MAD2L2: variants seen among roughly 807,000 people sequenced by gnomAD.
MAD2L2 encodes mitotic spindle assembly checkpoint protein MAD2B.
Under a neutral mutation model 30.5 loss-of-function variants are expected in MAD2L2, and 17 were observed. That is an observed-to-expected ratio of 0.56 (90% CI 0.38 to 0.84). MAD2L2 has a LOEUF of 0.84. Among genes scored for constraint, MAD2L2 ranks in the 40% least tolerant of loss-of-function variants. MAD2L2 has a pLI of 0.00. For synonymous variants in MAD2L2, 101 were observed against 113.9 expected (o/e 0.89, Z 0.72); for missense variants, 213 against 277.4 (o/e 0.77, Z 1.65).
At position 11,675,640 on chromosome 1, in the gene MAD2L2, A is replaced by C. The variant is rs1339360564; in HGVS notation, c.501+18T>G. The C allele has an allele frequency of 6.2e-7, 1 of 1,613,166 alleles. No individual in the cohort carries two copies. Among genetic ancestry groups the C allele is most frequent in the East Asian group, 2.2e-5 (1 of 44,876 alleles). On this transcript the variant is annotated intron_variant, in intron 7 of 8. Coordinates refer to ENST00000376692, the MANE Select transcript of MAD2L2 (RefSeq NM_006341.4). ...GTTTCTAGAGCCTGCGCCCAGACCC[A>C]GACCCATCTCATCTCACCTTGATGA... is the stretch of plus-strand genomic sequence containing the variant.
upstream of MAD2L2, among the ~76,000 whole-genome samples, chr1:11,684,924 CTCTCT>C (rs1282042543): frequency 8.9e-5 from 8 of 89,452 alleles, no homozygotes; most frequent in Admixed American, 4.7e-4. Context: ...CTCTCTCTCT[CTCTCT>C]TTTTTTTTTT....
intron 3 of MAD2L2, among the ~76,000 whole-genome samples, 173 bp from the exon 4 acceptor site, chr1:11,677,787 T>C (rs1640796454): frequency 6.6e-6 from 1 of 152,224 alleles, no homozygotes; most frequent in East Asian, 1.9e-4. Flanking sequence ...TGGCCGGGCA[T>C]GGTGGCTCAC....
rs1641042054 is a variant in MAD2L2, at chr1:11,690,593, A to G, written c.-692+820T>C. On this transcript the variant is annotated intron_variant, in intron 1 of 10. Coordinates refer to the MAD2L2 transcript ENST00000235310. The surrounding 1 kb of genome is among the most constrained non-coding windows in gnomAD (Gnocchi z 4.2). The stretch of plus-strand genomic sequence containing the variant: ...AACTGTGTTCTAAAACCTCAAAGTC[A>G]TAATTTGCCACACGCTGGAGAAAGA... Among the ~76,000 whole-genome samples, 2 of 152,226 alleles carry G rather than the reference A, an allele frequency of 1.3e-5. No individual in the cohort carries two copies. The highest frequency in any genetic ancestry group is 1.5e-5 in the Non-Finnish European group (1 of 68,038).
intron 4 of MAD2L2, 144 bp downstream of exon 4, chr1:11,677,399 G>A: frequency 2.5e-6 from 2 of 807,082 alleles, no homozygotes; most frequent in Non-Finnish European, 4.1e-6. Flanking sequence ...GGTCTCCAGA[G>A]TGCAGGGAAC....
At chr1:11,676,771 G>A in intron 5 of MAD2L2, 77 bp downstream of exon 5, 1 of 1,149,862 alleles carries the variant, frequency 8.7e-7, no homozygotes, top group Non-Finnish European at 1.3e-6. Context: ...GTATTCAAGG[G>A]CCGCCTTAAA....
At chr1:11,675,831 C>T (rs1019718343) in intron 6 of MAD2L2, 100 bp from the exon 7 acceptor site, 1 of 1,064,442 alleles carries the variant, frequency 9.4e-7, no homozygotes, top group Non-Finnish European at 1.5e-6. Context: ...GCAGCACCCC[C>T]AGAGCAGATG....
chr1:11,675,293 G>A (rs1447680394), intron 7 of MAD2L2, 119 bp from the exon 8 acceptor site: 1 of 684,144 alleles, frequency 1.5e-6, no homozygotes, highest in South Asian at 1.9e-5. Flanking sequence ...TCACTAGGAA[G>A]CTGTTGGTGA....
In MAD2L2 at chr1:11,674,903, T is replaced by A; in HGVS notation, c.595-87A>T. 6 of 1,502,974 alleles carry A rather than the reference T, an allele frequency of 4.0e-6. No homozygotes were observed. The South Asian group carries it at 4.5e-5, about 11-fold the overall frequency. The allele number at this position is 1,502,974 out of a possible 1,614,324, so 93.1% of individuals were successfully genotyped here. A position where few individuals can be genotyped will look rare whatever the true frequency, so the allele number is the denominator to read the frequency against. Reference sequence around the variant, plus strand: ...CACAGAAGCCCCTGGTGGGCAGACCTCCACCACAGGTGGGGCCTCGTGGCC... The same window carrying A: ...CACAGAAGCCCCTGGTGGGCAGACCACCACCACAGGTGGGGCCTCGTGGCC... On this transcript the variant is annotated intron_variant, in intron 8 of 8. Coordinates refer to ENST00000376692, the MANE Select transcript of MAD2L2 (RefSeq NM_006341.4). The surrounding 1 kb of genome is among the most constrained non-coding windows in gnomAD (Gnocchi z 6.1).
rs571775168 is a variant in MAD2L2, at chr1:11,680,937, G to A, written c.-13+102C>T. The A allele has an allele frequency of 1.6e-3, 522 of 336,166 alleles. 1 individual carries two copies. The highest frequency in any genetic ancestry group is 0.011 in the African/African-American group (492 of 46,554). The allele number at this position is 336,166 out of a possible 1,614,324, so 20.8% of individuals were successfully genotyped here. A position where few individuals can be genotyped will look rare whatever the true frequency, so the allele number is the denominator to read the frequency against. On this transcript the variant is annotated intron_variant, in intron 1 of 8. Transcript: ENST00000376692. Reference sequence around the variant, plus strand: ...ATGCCCAGGGCCGGGAGCGCAAAGCGGGACATGCGGAAAGCGAAGCGGGGT... The same window carrying A: ...ATGCCCAGGGCCGGGAGCGCAAAGCAGGACATGCGGAAAGCGAAGCGGGGT...
upstream of MAD2L2, among the ~76,000 whole-genome samples, chr1:11,682,302 G>A (rs1481080936): frequency 6.6e-6 from 1 of 152,172 alleles, no homozygotes; most frequent in Non-Finnish European, 1.5e-5. Context: ...GGAGTTAGTG[G>A]GCAACAAGTC....
chr1:11,682,400 G>A (rs904107718), upstream of MAD2L2, among the ~76,000 whole-genome samples: 1 of 152,276 alleles, frequency 6.6e-6, no homozygotes, highest in Admixed American at 6.5e-5. Context: ...CACAGATCTA[G>A]CCAGACTTGT....
rs1640859286 is a variant in MAD2L2 at position 11,680,696 on chromosome 1, CCA to C, written c.-12-85_-12-84del. On this transcript the variant is annotated intron_variant, in intron 1 of 8. Transcript: ENST00000376692. ...CTCGCTTCCACCGTCTCTTCCCTCC[CCA>C]CAGTCTGTGGGAACTGGGGAAGGAC... The C allele has an allele frequency of 4.7e-6, 7 of 1,490,138 alleles. No individual in the cohort carries two copies. The South Asian group carries it at 6.9e-5, about 15-fold the overall frequency. The allele number at this position is 1,490,138 out of a possible 1,614,324, so 92.3% of individuals were successfully genotyped here. A position where few individuals can be genotyped will look rare whatever the true frequency, so the allele number is the denominator to read the frequency against.
chr1:11,674,708 C>A lies in MAD2L2; in HGVS notation c.*67G>T. 9 of 1,503,534 alleles carry A rather than the reference C, an allele frequency of 6.0e-6. No homozygotes were observed. The highest frequency in any genetic ancestry group is 8.3e-6 in the Non-Finnish European group (9 of 1,082,196). 93.1% of individuals were successfully genotyped at this position (1,503,534 alleles called of 1,614,324 possible). On this transcript the variant is annotated 3_prime_UTR_variant, in exon 9 of 9. Transcript: ENST00000376692. This position sits in a 1 kb window ranked among gnomAD's most constrained non-coding sequence, Gnocchi z 6.1. ...ACTTGGAATCAGGGCAGCCATGCAG[C>A]ACTGCCCTAGGCGGGGATCCCCCAA...
In MAD2L2 at chr1:11,680,411, C is replaced by T; in HGVS notation, c.101G>A (p.Arg34His). The part of the protein sequence containing the change: ...EVAVHLILYV[R>H]EVYPVGIFQK... ...GAAGATGCCCACGGGGTAGACCTCG[C>T]GCACGTAGAGGATGAGATGCACAGC... The change falls in exon 3 of 9, where the codon CGC becomes CAC. Residue 34 changes from arginine (R) to histidine (H), a missense_variant. By Grantham distance (29) the Arg-to-His change is conservative. Coordinates refer to ENST00000376692, the MANE Select transcript of MAD2L2 (RefSeq NM_006341.4). 6.2e-7 allele frequency: 1 copy of T among 1,613,888 alleles called. No homozygotes were observed. Among genetic ancestry groups the T allele is most frequent in the Non-Finnish European group, 8.5e-7 (1 of 1,179,942 alleles).
rs1640868464 is a variant in MAD2L2 at position 11,681,063 on chromosome 1, G to GA, written c.-38dup. 1 of 152,228 alleles carries GA rather than the reference G, an allele frequency of 6.6e-6. No individual in the cohort carries two copies. The highest frequency in any genetic ancestry group is 6.5e-5 in the Admixed American group (1 of 15,270). The allele number at this position is 152,228 out of a possible 1,614,324, so 9.4% of individuals were successfully genotyped here. On this transcript the variant is annotated 5_prime_UTR_variant, in exon 1 of 9. Coordinates refer to ENST00000376692, the MANE Select transcript of MAD2L2 (RefSeq NM_006341.4). Reference sequence around the variant, plus strand: ...CCGGCTCTGCGCTCGGTTCCCGCCCGAGATCGGGCCCGGCCCCGCCGCGGG... The same window carrying GA: ...CCGGCTCTGCGCTCGGTTCCCGCCCGAAGATCGGGCCCGGCCCCGCCGCGGG...
rs1641010567 is a variant in MAD2L2, at chr1:11,688,956, ACAAATGCCATGGCAACATCAG to A, written c.-692+2436_-692+2456del. Among the ~76,000 whole-genome samples, 1 of 152,216 alleles carries A rather than the reference ACAAATGCCATGGCAACATCAG, an allele frequency of 6.6e-6. No individual in the cohort carries two copies. Among genetic ancestry groups the A allele is most frequent in the South Asian group, 2.1e-4 (1 of 4,828 alleles). ...ACTCCCACCAGTGCCATGGCAGTTTACAAATGCCATGGCAACATCAGGACGTTACCCTATATGGTCTAAAAA... is the reference window on the plus strand; with the variant it reads ...ACTCCCACCAGTGCCATGGCAGTTTAGACGTTACCCTATATGGTCTAAAAA... On this transcript the variant is annotated intron_variant, in intron 1 of 10. Transcript: ENST00000235310. The surrounding 1 kb of genome is among the most constrained non-coding windows in gnomAD (Gnocchi z 4.6).
chr1:11,675,222 C>G (rs1465814424), intron 7 of MAD2L2, 48 bp from the exon 8 acceptor site: 1 of 1,346,518 alleles, frequency 7.4e-7, no homozygotes, highest in Non-Finnish European at 1.0e-6. Context: ...GGGCCCTGGC[C>G]TGCCCTCACT....
At position 11,677,598 on chromosome 1, in the gene MAD2L2, T is replaced by G; in HGVS notation, c.176A>C (p.Glu59Ala). Reference sequence around the variant, plus strand: ...CGTGTCCTGGATATACTGATTCAGCTCCGGGTGGCAGGACATCTGCACACA... The same window carrying G: ...CGTGTCCTGGATATACTGATTCAGCGCCGGGTGGCAGGACATCTGCACACA... ...NVPVQMSCHPELNQYIQDTLH... is the reference protein window; with the variant it reads ...NVPVQMSCHPALNQYIQDTLH... Residue 59 changes from glutamate (E) to alanine (A), a missense_variant, in exon 4 of 9, where the codon GAG becomes GCG. By Grantham distance (107) the Glu-to-Ala change is moderately radical (BLOSUM62 -1). Transcript: ENST00000376692. 1 of 1,613,320 alleles carries G rather than the reference T, an allele frequency of 6.2e-7. No homozygotes were observed. The highest frequency in any genetic ancestry group is 1.1e-5 in the South Asian group (1 of 91,054).
chr1:11,684,193 C>G (rs1262920119), upstream of MAD2L2, among the ~76,000 whole-genome samples: 2 of 152,040 alleles, frequency 1.3e-5, no homozygotes, highest in Admixed American at 1.3e-4. Context: ...GGCAGGGGGC[C>G]GAGTCAGCAT....
Sources: gnomAD v4.1 joint callset for allele counts (sites outside exome capture counted in the v4.1 genomes callset) on GRCh38, gnomAD v4.1.1 for gene constraint, Gnocchi (gnomAD v3.1) non-coding constraint, MANE v1.5 for transcripts, NCBI Gene and HGNC (gene_info 2026-07-23, HGNC 2026-07-21) for gene names.